ARHGEF10: variants seen among roughly 807,000 people sequenced by gnomAD.
ARHGEF10 encodes the protein Rho guanine nucleotide exchange factor 10.
In ARHGEF10, 140 loss-of-function variants were observed where a neutral mutation model predicts 147.4. That is an observed-to-expected ratio of 0.95 (90% CI 0.83 to 1.09). The LOEUF (loss-of-function observed/expected upper bound fraction) is 1.09, where lower values mean the gene tolerates loss of function less well. Among genes scored for constraint, ARHGEF10 ranks in the 50% least tolerant of loss-of-function variants. ARHGEF10 has a pLI of 0.00. For synonymous variants in ARHGEF10, 902 were observed against 695.8 expected (o/e 1.30, Z -4.67); for missense variants, 2,222 against 1,752.7 (o/e 1.27, Z -4.78).
chr8:1,861,982 G>T (rs958857740), intron 4 of ARHGEF10, among the ~76,000 whole-genome samples: 2 of 151,860 alleles, frequency 1.3e-5, no homozygotes, highest in South Asian at 4.2e-4. Flanking sequence ...GCTTATTTTT[G>T]TTCTGTCAAC....
At chr8:1,863,939 G>C (rs1806363846) in intron 4 of ARHGEF10, among the ~76,000 whole-genome samples, 1 of 152,006 alleles carries the variant, frequency 6.6e-6, no homozygotes, top group Non-Finnish European at 1.5e-5. Flanking sequence ...TTTTGAGCGT[G>C]CCAGGCGGAT....
chr8:1,832,616 AGAGG>A (rs1803220197), intron 1 of ARHGEF10, among the ~76,000 whole-genome samples: 1 of 110,544 alleles, frequency 9.0e-6, no homozygotes, highest in African/African-American at 4.2e-5. Context: ...AGGCAGAGAC[AGAGG>A]CAGAGAGAGA....
intron 2 of ARHGEF10, among the ~76,000 whole-genome samples, chr8:1,845,526 C>A (rs184086364): frequency 6.6e-6 from 1 of 152,228 alleles, no homozygotes; most frequent in Non-Finnish European, 1.5e-5. Flanking sequence ...AGGAAGCTGT[C>A]TCTGCAGGTA....
rs1814790380 is a variant in ARHGEF10, at chr8:1,948,738, C to G, written c.3397+3083C>G. Among the ~76,000 whole-genome samples the G allele has an allele frequency of 6.6e-6, 1 of 152,166 alleles. No homozygotes were observed. Among genetic ancestry groups the G allele is most frequent in the Non-Finnish European group, 1.5e-5 (1 of 68,028 alleles). On this transcript the variant is annotated intron_variant, in intron 27 of 28. Transcript: ENST00000349830. The surrounding 1 kb of genome is among the most constrained non-coding windows in gnomAD (Gnocchi z 4.9). ...AGTCCTTTCATCTCATCTCCTCTGT[C>G]TAGTCGTCTTTGCCTTTCAGCTAAT... is the stretch of plus-strand genomic sequence containing the variant.
intron 7 of ARHGEF10, among the ~76,000 whole-genome samples, chr8:1,873,945 C>G (rs1807412336): frequency 6.6e-6 from 1 of 152,108 alleles, no homozygotes; most frequent in Admixed American, 6.6e-5. Flanking sequence ...ATTAGGTACG[C>G]TCACTGTACA....
At chr8:1,915,665 C>T (rs896548874) in intron 18 of ARHGEF10, among the ~76,000 whole-genome samples, 1 of 152,248 alleles carries the variant, frequency 6.6e-6, no homozygotes, top group Non-Finnish European at 1.5e-5. Flanking sequence ...GTTTATATCT[C>T]CCGTTACCTC....
rs1438181585 is a variant in ARHGEF10, at chr8:1,885,695, A to G, written c.1170A>G (p.Leu390=). The G allele has an allele frequency of 1.9e-6, 3 of 1,613,658 alleles. No homozygotes were observed. Among genetic ancestry groups the G allele is most frequent in the East Asian group, 2.2e-5 (1 of 44,890 alleles). Residue 390 remains leucine, a synonymous_variant, in exon 11 of 29, where the codon TTA becomes TTG. Transcript: ENST00000349830. ...TCTTGACCCCGATGCCCGAGGGTTT[A>G]TCTCAGCAGCAGGTGAGATGAGCAG... ...EAILTPMPEG[L]SQQQVVRRYI...
At chr8:1,921,982 G>C (rs1214873484) in intron 18 of ARHGEF10, among the ~76,000 whole-genome samples, 2 of 152,152 alleles carry the variant, frequency 1.3e-5, no homozygotes, top group African/African-American at 4.8e-5. Context: ...AAGTGGAAAA[G>C]AAGGAGCGTA....
chr8:1,930,440 C>T (rs1288968534), intron 25 of ARHGEF10, among the ~76,000 whole-genome samples: 2 of 152,196 alleles, frequency 1.3e-5, no homozygotes, highest in African/African-American at 2.4e-5. Flanking sequence ...CTGATTCATT[C>T]TCCAAATATT....
intron 4 of ARHGEF10, among the ~76,000 whole-genome samples, chr8:1,861,130 C>G (rs73176784): frequency 6.6e-6 from 1 of 152,220 alleles, no homozygotes; most frequent in African/African-American, 2.4e-5. Context: ...GTCCTCAGCG[C>G]TGACAGCTCC....
intron 18 of ARHGEF10, among the ~76,000 whole-genome samples, chr8:1,919,194 G>A (rs1270513819): frequency 5.5e-5 from 8 of 144,686 alleles, no homozygotes; most frequent in African/African-American, 2.1e-4. Context: ...TGATGGAGCT[G>A]TTCCGTGGGT....
At chr8:1,906,511 T>G (rs1810904571) in intron 17 of ARHGEF10, among the ~76,000 whole-genome samples, 1 of 152,118 alleles carries the variant, frequency 6.6e-6, no homozygotes, top group African/African-American at 2.4e-5. Flanking sequence ...CCACTAAACA[T>G]GCCCTATTTT....
rs1203265803 is a variant in ARHGEF10, at chr8:1,862,804, A to C, written c.482-1569A>C. Among the ~76,000 whole-genome samples the C allele has an allele frequency of 1.1e-4, 15 of 131,014 alleles. No homozygotes were observed. In the Admixed American group the frequency reaches 1.2e-3, roughly 10 times the overall value. 86.0% of individuals were successfully genotyped at this position (131,014 alleles called of 152,430 possible). A position where few individuals can be genotyped will look rare whatever the true frequency, so the allele number is the denominator to read the frequency against. On this transcript the variant is annotated intron_variant, in intron 4 of 28. Coordinates refer to ENST00000349830, the MANE Select transcript of ARHGEF10 (RefSeq NM_014629.4). ...TTTTTTTTTTTTTTTTTTGAGACAG[A>C]GTCTCGCTCTGTCGCTCAGGCTGGA...
intron 8 of ARHGEF10, among the ~76,000 whole-genome samples, chr8:1,878,084 C>T (rs921176256): frequency 4.6e-5 from 7 of 152,162 alleles, no homozygotes; most frequent in African/African-American, 1.7e-4. Flanking sequence ...AGTCAGCTCA[C>T]CTACCCAGTT....
intron 11 of ARHGEF10, 136 bp from the exon 12 acceptor site, chr8:1,893,431 ATT>A: frequency 1.5e-6 from 1 of 668,204 alleles, no homozygotes; most frequent in Non-Finnish European, 2.7e-6. Flanking sequence ...CTGTAATGTT[ATT>A]TAATTAGGCT....
intron 2 of ARHGEF10, among the ~76,000 whole-genome samples, chr8:1,848,779 CT>C (rs149956098): frequency 5.3e-5 from 8 of 151,554 alleles, no homozygotes; most frequent in East Asian, 1.9e-4. Context: ...TAGAAGTAGT[CT>C]TTTTTTTTCC....
intron 17 of ARHGEF10, among the ~76,000 whole-genome samples, chr8:1,907,333 C>T (rs923596752): frequency 1.3e-5 from 2 of 152,150 alleles, no homozygotes; most frequent in African/African-American, 4.8e-5. Flanking sequence ...GTGGCTGAAT[C>T]CACCCAGCTC....
intron 7 of ARHGEF10, chr8:1,869,879 A>G (rs1278412011): frequency 6.1e-6 from 1 of 163,988 alleles, no homozygotes; most frequent in Non-Finnish European, 1.3e-5. Flanking sequence ...CTGAGCGGCC[A>G]CGTCCAGCAA....
intron 7 of ARHGEF10, 54 bp downstream of exon 7, chr8:1,869,304 T>C: frequency 2.0e-6 from 3 of 1,479,636 alleles, no homozygotes; most frequent in Non-Finnish European, 2.8e-6. Flanking sequence ...AGCCTTTCCC[T>C]CTGGATGCCA....
Sources: gnomAD v4.1 joint callset for allele counts (sites outside exome capture counted in the v4.1 genomes callset) on GRCh38, gnomAD v4.1.1 for gene constraint, Gnocchi (gnomAD v3.1) non-coding constraint, MANE v1.5 for transcripts, NCBI Gene and HGNC (gene_info 2026-07-23, HGNC 2026-07-21) for gene names.